Variants in ACBD6 observed in about 807,000 individuals in gnomAD.
ACBD6 encodes the protein acyl-CoA-binding domain-containing protein 6.
ACBD6 carries 28 observed loss-of-function variants against 37.2 expected under a neutral mutation model. That is an observed-to-expected ratio of 0.75 (90% CI 0.56 to 1.03). The LOEUF (loss-of-function observed/expected upper bound fraction) is 1.03. Ranked by LOEUF, ACBD6 falls within the 50% of genes least tolerant of loss-of-function variation. ACBD6 has a pLI of 0.00. For synonymous variants in ACBD6, 113 were observed against 126.8 expected (o/e 0.89, Z 0.73); for missense variants, 340 against 337.4 (o/e 1.01, Z -0.06).
chr1:180,304,100 C>T lies in ACBD6; in HGVS notation c.694+10592G>A, dbSNP rs1021188315. On this transcript the variant is annotated intron_variant, in intron 7 of 7. Coordinates refer to ENST00000367595, the MANE Select transcript of ACBD6 (RefSeq NM_032360.4). ...CTCAATAAATTAGGTATTGATGGGA[C>T]GTATCTCATAATAATAAGAGCTATC... Among the ~76,000 whole-genome samples the T allele has an allele frequency of 1.9e-4, 28 of 150,854 alleles. 1 individual carries two copies. Among genetic ancestry groups the T allele is most frequent in the South Asian group, 4.3e-4 (2 of 4,698 alleles).
chr1:180,279,340 A>G (rs2149272616), intron 9 of ACBD6, among the ~76,000 whole-genome samples: 1 of 152,298 alleles, frequency 6.6e-6, no homozygotes, highest in Admixed American at 6.5e-5. Context: ...GCTGTTGCCC[A>G]GGCTGGAGTG....
intron 3 of ACBD6, among the ~76,000 whole-genome samples, chr1:180,474,875 T>G (rs779959571): frequency 1.3e-5 from 2 of 152,264 alleles, no homozygotes; most frequent in Non-Finnish European, 2.9e-5. Context: ...GATCCAGTGT[T>G]GTCTCCCTAT....
intron 7 of ACBD6, among the ~76,000 whole-genome samples, chr1:180,290,035 T>A (rs1649638900): frequency 6.6e-6 from 1 of 152,200 alleles, no homozygotes; most frequent in South Asian, 2.1e-4. Context: ...GTTCTATTTC[T>A]TAAGCTAAGT....
rs1654017012 is a variant in ACBD6 at position 180,390,191 on chromosome 1, G to C, written c.663+7325C>G. 2.0e-5 allele frequency among the ~76,000 whole-genome samples: 3 copies of C among 152,048 alleles called. No individual in the cohort carries two copies. The South Asian group carries it at 6.2e-4, about 32-fold the overall frequency. ...AATTAATTTTTGTAGAAGGTGTAAG[G>C]AAGGGATCCAGTTTCAGCTTTCTAC... On this transcript the variant is annotated intron_variant, in intron 6 of 7. Coordinates refer to ENST00000367595, the MANE Select transcript of ACBD6 (RefSeq NM_032360.4).
chr1:180,381,290 G>A lies in ACBD6; in HGVS notation c.663+16226C>T, dbSNP rs539796886. Among the ~76,000 whole-genome samples, 36 of 152,144 alleles carry A rather than the reference G, an allele frequency of 2.4e-4. No individual in the cohort carries two copies. The East Asian group carries it at 5.8e-3, about 24-fold the overall frequency. On this transcript the variant is annotated intron_variant, in intron 6 of 7. Transcript: ENST00000367595. ...TTGGGGACTTTAATACACCATTTTC[G>A]CCACCAGACAGAAATCATCTAGACA...
intron 3 of ACBD6, among the ~76,000 whole-genome samples, chr1:180,442,810 T>C (rs958211578): frequency 5.3e-5 from 8 of 151,384 alleles, no homozygotes; most frequent in Non-Finnish European, 1.0e-4. Context: ...AAAAGTTCCA[T>C]TTTGATACTT....
chr1:180,371,334 T>C (rs1384548574), intron 6 of ACBD6, among the ~76,000 whole-genome samples: 1 of 152,144 alleles, frequency 6.6e-6, no homozygotes, highest in African/African-American at 2.4e-5. Context: ...TAGTGATTCA[T>C]CACACGAATG....
chr1:180,312,701 T>C (rs903671566), intron 7 of ACBD6, among the ~76,000 whole-genome samples: 1 of 152,216 alleles, frequency 6.6e-6, no homozygotes, highest in African/African-American at 2.4e-5. Context: ...AATCAGGCCA[T>C]GGAAGTCTCC....
At chr1:180,403,958 C>CT (rs1198562775) in intron 5 of ACBD6, among the ~76,000 whole-genome samples, 72 of 148,142 alleles carry the variant, frequency 4.9e-4, no homozygotes, top group Middle Eastern at 3.5e-3. Context: ...TACAGAGTTT[C>CT]TTTTTTTTTT....
chr1:180,416,172 A>G (rs1376473679), intron 4 of ACBD6, among the ~76,000 whole-genome samples: 1 of 152,184 alleles, frequency 6.6e-6, no homozygotes, highest in Non-Finnish European at 1.5e-5. Context: ...TACCTTCTAC[A>G]ACCAAGCTGT....
chr1:180,276,157 G>A (rs780463630), intron 9 of ACBD6: 1 of 152,220 alleles, frequency 6.6e-6, no homozygotes, highest in Non-Finnish European at 1.5e-5. Flanking sequence ...GGGTGAGAAG[G>A]CATTGCCTAT....
intron 6 of ACBD6, among the ~76,000 whole-genome samples, chr1:180,328,286 T>C (rs1651333219): frequency 6.6e-6 from 1 of 152,034 alleles, no homozygotes; most frequent in South Asian, 2.1e-4. Flanking sequence ...TGTGTGTATA[T>C]ATATGTACAC....
chr1:180,403,132 G>A (rs981961216), intron 5 of ACBD6, among the ~76,000 whole-genome samples: 1 of 152,122 alleles, frequency 6.6e-6, no homozygotes, highest in African/African-American at 2.4e-5. Context: ...TCGAGAACAA[G>A]CAGAACTTAT....
rs1454008043 is a variant in ACBD6 at position 180,494,078 on chromosome 1, A to C, written c.287+1383T>G. ...GCAGTAACTGTCAGGTTTCTCTCTC[A>C]TAATTAAAAAGTAAATGGTGGGTCA... On this transcript the variant is annotated intron_variant, in intron 2 of 7. Transcript: ENST00000367595. Among the ~76,000 whole-genome samples, 9 of 152,230 alleles carry C rather than the reference A, an allele frequency of 5.9e-5. No individual in the cohort carries two copies. The East Asian group carries it at 1.7e-3, about 29-fold the overall frequency.
intron 7 of ACBD6, among the ~76,000 whole-genome samples, chr1:180,311,952 T>A (rs967776525): frequency 6.6e-6 from 1 of 152,222 alleles, no homozygotes; most frequent in Non-Finnish European, 1.5e-5. Context: ...CACATTGTCA[T>A]GTTGGAAGTC....
intron 9 of ACBD6, among the ~76,000 whole-genome samples, chr1:180,279,326 T>C (rs1432800942): frequency 2.0e-5 from 3 of 152,186 alleles, no homozygotes; most frequent in African/African-American, 7.2e-5. Context: ...AGACAGAGTC[T>C]TGCGCTGTTG....
chr1:180,285,986 T>G (rs914747810), downstream of ACBD6, among the ~76,000 whole-genome samples: 1 of 152,208 alleles, frequency 6.6e-6, no homozygotes, highest in African/African-American at 2.4e-5. Flanking sequence ...GGTAATTCAC[T>G]ACTTTCTATG....
chr1:180,463,758 A>G (rs1277253634), intron 3 of ACBD6, among the ~76,000 whole-genome samples: 1 of 152,240 alleles, frequency 6.6e-6, no homozygotes, highest in Admixed American at 6.5e-5. Context: ...CAACAAAAAA[A>G]GAAAATTTCA....
chr1:180,313,923 C>T (rs1355822852), intron 7 of ACBD6, among the ~76,000 whole-genome samples: 1 of 152,168 alleles, frequency 6.6e-6, no homozygotes, highest in Non-Finnish European at 1.5e-5. Context: ...AAGCAGCTCT[C>T]TAAGAGCCAT....
Sources: allele counts gnomAD v4.1 joint callset (sites outside exome capture counted in the v4.1 genomes callset), GRCh38; gene constraint gnomAD v4.1.1; transcripts MANE v1.5; gene names NCBI Gene and HGNC (gene_info 2026-07-23, HGNC 2026-07-21).